TG: variants seen among roughly 807,000 people sequenced by gnomAD.
TG encodes thyroglobulin.
TG carries 270 observed loss-of-function variants against 324.7 expected under a neutral mutation model. The ratio of observed to expected loss-of-function variants is 0.83; its 90% CI spans 0.75 to 0.92. The LOEUF is 0.92. TG is among the 40% of genes least tolerant of loss of function. The probability of loss-of-function intolerance (pLI) is 0.00; values close to 1 mark genes in which losing one functional copy is unlikely to be tolerated. For missense variants in TG, 3,591 were observed against 3,456.4 expected (o/e 1.04, Z -0.98); for synonymous variants, 1,401 against 1,327.0 (o/e 1.06, Z -1.21).
At chr8:132,940,818 A>G (rs1233936093) in intron 25 of TG, among the ~76,000 whole-genome samples, 1 of 152,192 alleles carries the variant, frequency 6.6e-6, no homozygotes. Context: ...CATTCCTTTA[A>G]TGATGTTTGG....
intron 33 of TG, 133 bp from the exon 34 acceptor site, chr8:132,972,465 T>C (rs759520963): frequency 1.2e-4 from 126 of 1,030,620 alleles, no homozygotes; most frequent in Non-Finnish European, 1.7e-4. Context: ...GCTGAGATAG[T>C]ATCTGAAATA....
intron 43 of TG, 25 bp from the exon 44 acceptor site, chr8:133,113,397 A>T: frequency 6.2e-7 from 1 of 1,611,686 alleles, no homozygotes; most frequent in Non-Finnish European, 8.5e-7. Flanking sequence ...CAACTGAGGA[A>T]TTTCGTATCT....
intron 21 of TG, 81 bp downstream of exon 21, chr8:132,919,606 A>G (rs1185471888): frequency 4.4e-6 from 7 of 1,578,476 alleles, no homozygotes; most frequent in East Asian, 4.5e-5. Context: ...TCTCTGCACT[A>G]TTGACATTTT....
intron 34 of TG, among the ~76,000 whole-genome samples, chr8:132,973,711 A>G (rs754684919): frequency 6.6e-6 from 1 of 152,208 alleles, no homozygotes; most frequent in Non-Finnish European, 1.5e-5. Context: ...GAAACTAGAC[A>G]TCTTCATCCT....
chr8:133,021,344 A>G (rs554366897), intron 39 of TG, among the ~76,000 whole-genome samples: 4 of 152,164 alleles, frequency 2.6e-5, no homozygotes, highest in Non-Finnish European at 5.9e-5. Context: ...GCTTTTTTGG[A>G]ATAAACCATG....
chr8:133,070,615 G>A (rs1261052546), intron 41 of TG, among the ~76,000 whole-genome samples: 1 of 152,196 alleles, frequency 6.6e-6, no homozygotes, highest in African/African-American at 2.4e-5. Flanking sequence ...GAGTTACAAG[G>A]CTTGTTCAGG....
intron 41 of TG, among the ~76,000 whole-genome samples, chr8:133,072,639 C>T (rs1844238798): frequency 6.6e-6 from 1 of 152,142 alleles, no homozygotes; most frequent in Non-Finnish European, 1.5e-5. Flanking sequence ...AACATAAAAC[C>T]CAGCAGCATC....
At chr8:133,069,566 G>C (rs189912219) in intron 41 of TG, among the ~76,000 whole-genome samples, 7 of 152,254 alleles carry the variant, frequency 4.6e-5, no homozygotes, top group Non-Finnish European at 1.0e-4. Flanking sequence ...ACAATTCGAC[G>C]GTCATTTGTG....
intron 35 of TG, among the ~76,000 whole-genome samples, chr8:133,005,507 C>T (rs935804448): frequency 5.9e-5 from 9 of 152,178 alleles, no homozygotes; most frequent in African/African-American, 2.2e-4. Flanking sequence ...GCTGTGTTTG[C>T]TGAGCATTTC....
chr8:132,946,200 C>A (rs1391801878), intron 26 of TG, among the ~76,000 whole-genome samples: 1 of 151,880 alleles, frequency 6.6e-6, no homozygotes, highest in Non-Finnish European at 1.5e-5. Context: ...ACTCACCAGA[C>A]CATATGATTT....
In TG at chr8:132,882,965, T is replaced by C. The variant is rs1814868632; in HGVS notation, c.1041T>C (p.His347=). 6.2e-7 allele frequency: 1 copy of C among 1,613,982 alleles called. No individual in the cohort carries two copies. Among genetic ancestry groups the C allele is most frequent in the Non-Finnish European group, 8.5e-7 (1 of 1,179,988 alleles). Residue 347 remains histidine (H), a synonymous_variant, in exon 8 of 48, where the codon CAT becomes CAC. Coordinates refer to ENST00000220616, the MANE Select transcript of TG (RefSeq NM_003235.5). ...WCVDAQGKEM[H]GTRQQGEPPS... is the part of the protein sequence containing the mutation. ...TGGACGCCCAGGGGAAGGAAATGCATGGAACCCGGCAGCAAGGGGAGCCGC... is the reference window on the plus strand; with the variant it reads ...TGGACGCCCAGGGGAAGGAAATGCACGGAACCCGGCAGCAAGGGGAGCCGC...
chr8:132,967,988 T>G lies in TG; in HGVS notation c.5863+18T>G. The G allele has an allele frequency of 6.2e-7, 1 of 1,612,326 alleles. No individual in the cohort carries two copies. The highest frequency in any genetic ancestry group is 1.1e-5 in the South Asian group (1 of 90,902). On this transcript the variant is annotated intron_variant, in intron 31 of 47. Coordinates refer to ENST00000220616, the MANE Select transcript of TG (RefSeq NM_003235.5). ...GAAGAAAGGTGAGCACTTGGAGAGA[T>G]CTGCATAAACTGTATTTCCAATGTT...
intron 31 of TG, among the ~76,000 whole-genome samples, chr8:132,968,599 C>G (rs1026643425): frequency 6.6e-6 from 1 of 152,020 alleles, no homozygotes; most frequent in Non-Finnish European, 1.5e-5. Flanking sequence ...TGTCCAGTGA[C>G]CCTTATTTTT....
At chr8:133,010,943 G>A (rs887223284) in intron 35 of TG, among the ~76,000 whole-genome samples, 4 of 152,186 alleles carry the variant, frequency 2.6e-5, no homozygotes, top group Admixed American at 6.5e-5. Context: ...CTGTTCCACC[G>A]AGCAGGAACA....
chr8:132,895,646 A>G (rs147143326), intron 11 of TG, among the ~76,000 whole-genome samples: 41 of 152,300 alleles, frequency 2.7e-4, no homozygotes, highest in African/African-American at 9.4e-4. Context: ...ATGCCTAGGC[A>G]CTGCTTTTCT....
chr8:133,045,597 A>T (rs1564111084), intron 41 of TG, among the ~76,000 whole-genome samples: 1 of 151,800 alleles, frequency 6.6e-6, no homozygotes, highest in Non-Finnish European at 1.5e-5. Context: ...GTGTTGCTAC[A>T]TTGCCCAGGC....
At chr8:133,110,229 A>G (rs898725722) in intron 43 of TG, among the ~76,000 whole-genome samples, 2 of 151,996 alleles carry the variant, frequency 1.3e-5, no homozygotes, top group Non-Finnish European at 2.9e-5. Context: ...GACCCACCCA[A>G]TATCTGAGGT....
chr8:133,021,029 T>C (rs1328179417), intron 39 of TG, among the ~76,000 whole-genome samples: 2 of 151,964 alleles, frequency 1.3e-5, no homozygotes, highest in Non-Finnish European at 2.9e-5. Context: ...GGGCCTCAGA[T>C]CCCCAGCTCA....
Position 132,888,038 on chromosome 8 carries a change from C to G in TG, c.2231C>G (p.Ala744Gly). 6.2e-7 allele frequency: 1 copy of G among 1,614,180 alleles called. No individual in the cohort carries two copies. Among genetic ancestry groups the G allele is most frequent in the Non-Finnish European group, 8.5e-7 (1 of 1,180,036 alleles). Residue 744 changes from alanine to glycine, a missense_variant, in exon 10 of 48, where the codon GCC becomes GGC. By Grantham distance (60) the Ala-to-Gly change is moderately conservative (BLOSUM62 0). Coordinates refer to ENST00000220616, the MANE Select transcript of TG (RefSeq NM_003235.5). ...CAAGCTTTCCTCAGGACGGTGCAGGCCCTGCTCTCTAACTCCAGCATGCTA... is the reference window on the plus strand; with the variant it reads ...CAAGCTTTCCTCAGGACGGTGCAGGGCCTGCTCTCTAACTCCAGCATGCTA... ...SEQAFLRTVQ[A>G]LLSNSSMLPT...
Sources: gnomAD v4.1 joint callset for allele counts (sites outside exome capture counted in the v4.1 genomes callset) on GRCh38, gnomAD v4.1.1 for gene constraint, MANE v1.5 for transcripts, NCBI Gene and HGNC (gene_info 2026-07-23, HGNC 2026-07-21) for gene names.